PLXDC2: variants seen among roughly 807,000 people sequenced by gnomAD.
PLXDC2 encodes the protein plexin domain-containing protein 2.
Under a neutral mutation model 68.9 loss-of-function variants are expected in PLXDC2, and 40 were observed. The ratio of observed to expected loss-of-function variants is 0.58; its 90% CI spans 0.45 to 0.76. The LOEUF is 0.76. PLXDC2 is among the 30% of genes least tolerant of loss of function. The pLI, the probability that PLXDC2 is intolerant of heterozygous loss-of-function variation, is 0.00. For synonymous variants in PLXDC2, 243 were observed against 234.2 expected, an observed-to-expected ratio of 1.04 and a Z score of -0.34; for missense variants, 644 against 661.9, an observed-to-expected ratio of 0.97 and a Z score of 0.30.
chr10:20,068,211 C>T lies in PLXDC2; in HGVS notation c.513C>T (p.Phe171=), dbSNP rs758634436. Residue 171 remains phenylalanine, a synonymous_variant, in exon 4 of 14, where the codon TTC becomes TTT. Transcript: ENST00000377252. ...LSFDFPFYGH[F]LREITVATGG... ...TCGATTTTCCATTTTATGGCCACTT[C>T]CTACGTGAAATCACTGTGGCAACCG... 1.9e-6 allele frequency: 3 copies of T among 1,613,132 alleles called. No homozygotes were observed. Among genetic ancestry groups the T allele is most frequent in the Non-Finnish European group, 2.5e-6 (3 of 1,179,626 alleles).
chr10:20,005,175 A>C (rs1835007849), intron 2 of PLXDC2, among the ~76,000 whole-genome samples: 1 of 152,204 alleles, frequency 6.6e-6, no homozygotes, highest in South Asian at 2.1e-4. Context: ...TCTTTCTAGC[A>C]AAAGGAAAGA....
chr10:20,123,099 T>A (rs1400011120), intron 4 of PLXDC2, among the ~76,000 whole-genome samples: 1 of 152,108 alleles, frequency 6.6e-6, no homozygotes, highest in African/African-American at 2.4e-5. Flanking sequence ...GGGCTAGTCA[T>A]GGAACAAAAC....
chr10:20,251,773 A>C (rs1835678571), intron 13 of PLXDC2, among the ~76,000 whole-genome samples: 1 of 152,158 alleles, frequency 6.6e-6, no homozygotes, highest in Admixed American at 6.5e-5. Flanking sequence ...TTAATGTTGA[A>C]CATTGTCCTT....
intron 1 of PLXDC2, among the ~76,000 whole-genome samples, chr10:19,950,729 T>A (rs939379967): frequency 7.9e-5 from 12 of 152,054 alleles, no homozygotes; most frequent in African/African-American, 2.2e-4. Flanking sequence ...GTTGGAAACA[T>A]CACATTACTT....
intron 1 of PLXDC2, among the ~76,000 whole-genome samples, chr10:19,843,060 A>AT (rs1161840583): frequency 2.4e-4 from 37 of 151,188 alleles, no homozygotes; most frequent in African/African-American, 4.1e-4. Context: ...CTTATGTCAT[A>AT]TTTTTTTTTC....
intron 2 of PLXDC2, among the ~76,000 whole-genome samples, chr10:20,023,568 G>A (rs748468632): frequency 2.0e-5 from 3 of 151,968 alleles, no homozygotes; most frequent in Non-Finnish European, 4.4e-5. Context: ...CCCTTTCTTT[G>A]CCCTTCTTCC....
chr10:20,127,336 C>T (rs901845698), intron 4 of PLXDC2, among the ~76,000 whole-genome samples: 1 of 152,120 alleles, frequency 6.6e-6, no homozygotes, highest in Admixed American at 6.6e-5. Flanking sequence ...TTTCCTAGAA[C>T]TGTGTAAACA....
At chr10:20,211,161 G>T (rs767196986) in intron 9 of PLXDC2, among the ~76,000 whole-genome samples, 1 of 152,008 alleles carries the variant, frequency 6.6e-6, no homozygotes, top group African/African-American at 2.4e-5. Flanking sequence ...AACATGCAGG[G>T]TCTGAAAACC....
At chr10:19,895,876 T>A (rs1367954210) in intron 1 of PLXDC2, among the ~76,000 whole-genome samples, 3 of 152,096 alleles carry the variant, frequency 2.0e-5, no homozygotes, top group African/African-American at 4.8e-5. Context: ...GCTATGATCA[T>A]AACATTGCAC....
At chr10:19,846,581 A>G (rs1837013916) in intron 1 of PLXDC2, among the ~76,000 whole-genome samples, 1 of 152,168 alleles carries the variant, frequency 6.6e-6, no homozygotes, top group Admixed American at 6.6e-5. Context: ...TGGTTTTTAG[A>G]TTTGTCCATA....
At chr10:19,848,499 T>G (rs1007455542) in intron 1 of PLXDC2, among the ~76,000 whole-genome samples, 3 of 152,204 alleles carry the variant, frequency 2.0e-5, no homozygotes, top group African/African-American at 7.2e-5. Flanking sequence ...TAAGGATGTT[T>G]GTAAAACCTC....
At chr10:20,159,624 A>G (rs533030051) in intron 6 of PLXDC2, among the ~76,000 whole-genome samples, 15 of 152,262 alleles carry the variant, frequency 9.9e-5, no homozygotes, top group Admixed American at 5.9e-4. Flanking sequence ...ATCTTTCTGT[A>G]TCTTTTGGAC....
chr10:19,867,418 G>A (rs1001538135), intron 1 of PLXDC2, among the ~76,000 whole-genome samples: 1 of 152,100 alleles, frequency 6.6e-6, no homozygotes, highest in African/African-American at 2.4e-5. Flanking sequence ...TTTCCAACTG[G>A]TGGAGATCTG....
intron 7 of PLXDC2, among the ~76,000 whole-genome samples, chr10:20,174,051 C>T (rs1023807314): frequency 1.3e-5 from 2 of 152,094 alleles, no homozygotes; most frequent in Admixed American, 6.6e-5. Flanking sequence ...GCTTCTCAAT[C>T]ATTGTTAGTA....
intron 2 of PLXDC2, among the ~76,000 whole-genome samples, chr10:20,036,765 C>T (rs1835585128): frequency 1.3e-5 from 2 of 152,094 alleles, no homozygotes; most frequent in South Asian, 4.1e-4. Context: ...ATACGCAAGA[C>T]CCATAATTTA....
intron 1 of PLXDC2, among the ~76,000 whole-genome samples, chr10:19,935,984 G>C (rs1833716859): frequency 6.6e-6 from 1 of 152,136 alleles, no homozygotes; most frequent in Non-Finnish European, 1.5e-5. Context: ...AGACAAACAT[G>C]TCTTAGTTCT....
intron 3 of PLXDC2, among the ~76,000 whole-genome samples, chr10:20,055,121 CA>C (rs1392732101): frequency 1.3e-5 from 2 of 152,026 alleles, no homozygotes; most frequent in African/African-American, 4.8e-5. Context: ...TGTCATAATG[CA>C]GGTAAGGTTT....
At chr10:20,141,693 A>G (rs2131789058) in intron 4 of PLXDC2, among the ~76,000 whole-genome samples, 1 of 152,204 alleles carries the variant, frequency 6.6e-6, no homozygotes, top group African/African-American at 2.4e-5. Context: ...CATATTTATA[A>G]TGTTAAGGAT....
In PLXDC2 at chr10:20,044,122, T is replaced by TCCTTCCTTCCTCCCTCCCTC. The variant is rs71388894; in HGVS notation, c.325-2744_325-2743insTCCTTCCTCCCTCCCTCCCT. 4.8e-4 allele frequency among the ~76,000 whole-genome samples: 48 copies of TCCTTCCTTCCTCCCTCCCTC among 99,780 alleles called. 2 individuals carry two copies. Among genetic ancestry groups the TCCTTCCTTCCTCCCTCCCTC allele is most frequent in the African/African-American group, 1.9e-3 (47 of 24,268 alleles). 65.5% of individuals were successfully genotyped at this position (99,780 alleles called of 152,430 possible). A position where few individuals can be genotyped will look rare whatever the true frequency, so the allele number is the denominator to read the frequency against. On this transcript the variant is annotated intron_variant, in intron 2 of 13. Coordinates refer to ENST00000377252, the MANE Select transcript of PLXDC2 (RefSeq NM_032812.9). ...TTCCTTCCTTCCTTCCTTCCTTCCT[T>TCCTTCCTTCCTCCCTCCCTC]CCTCCCTCCCTCCCTCTCTCTCTTT...
Sources: allele counts gnomAD v4.1 joint callset (sites outside exome capture counted in the v4.1 genomes callset), GRCh38; gene constraint gnomAD v4.1.1; transcripts MANE v1.5; gene names NCBI Gene and HGNC (gene_info 2026-07-23, HGNC 2026-07-21).